The following ATP8A2 variants were observed in gnomAD, a reference collection of about 807,000 sequenced individuals.
The protein encoded by ATP8A2 is ATPase phospholipid transporting 8A2.
A neutral mutation model predicts 165.6 loss-of-function variants in ATP8A2; 100 were observed. The observed-to-expected ratio is 0.60, with a 90% CI of 0.51 to 0.71. ATP8A2 has a LOEUF of 0.71. Among genes scored for constraint, ATP8A2 ranks in the 30% least tolerant of loss-of-function variants. ATP8A2 has a pLI of 0.00. For synonymous variants in ATP8A2, 543 were observed against 548.8 expected, an observed-to-expected ratio of 0.99 and a Z score of 0.15; for missense variants, 1,227 against 1,479.5, an observed-to-expected ratio of 0.83 and a Z score of 2.80.
At chr13:25,845,666 A>G (rs1436217448) in intron 30 of ATP8A2, among the ~76,000 whole-genome samples, 1 of 152,248 alleles carries the variant, frequency 6.6e-6, no homozygotes, top group Non-Finnish European at 1.5e-5. Context: ...TGTATAAAAT[A>G]AAACTCAGTG....
At chr13:25,681,543 C>T (rs2042488418) in intron 24 of ATP8A2, among the ~76,000 whole-genome samples, 2 of 152,118 alleles carry the variant, frequency 1.3e-5, no homozygotes, top group African/African-American at 2.4e-5. Flanking sequence ...CGCAGGGAAA[C>T]GTGCAGGCAG....
At chr13:25,906,255 G>A (rs1413398276) in intron 33 of ATP8A2, among the ~76,000 whole-genome samples, 6 of 92,656 alleles carry the variant, frequency 6.5e-5, no homozygotes, top group East Asian at 2.9e-4. Flanking sequence ...TACCCTCCCC[G>A]CCCCCCGCCC....
At chr13:26,007,739 A>G (rs1213607462) in intron 35 of ATP8A2, among the ~76,000 whole-genome samples, 1 of 152,218 alleles carries the variant, frequency 6.6e-6, no homozygotes, top group Non-Finnish European at 1.5e-5. Flanking sequence ...CAGCAGGGTT[A>G]GAGGAGGTGA....
At chr13:25,635,467 G>A (rs748288583) in intron 24 of ATP8A2, among the ~76,000 whole-genome samples, 19 of 152,088 alleles carry the variant, frequency 1.2e-4, no homozygotes, top group South Asian at 4.1e-4. Context: ...CTCCCCTTTT[G>A]GAGATTCTCA....
chr13:25,800,883 A>G (rs1950608968), intron 27 of ATP8A2, among the ~76,000 whole-genome samples: 1 of 152,112 alleles, frequency 6.6e-6, no homozygotes, highest in Non-Finnish European at 1.5e-5. Context: ...ATCCACCTTA[A>G]AAGTGTTCTG....
chr13:25,744,799 G>A (rs530926803), intron 25 of ATP8A2, among the ~76,000 whole-genome samples: 2 of 152,104 alleles, frequency 1.3e-5, no homozygotes, highest in East Asian at 1.9e-4. Flanking sequence ...GTTTCTTATC[G>A]TTGCTAATTA....
chr13:25,618,009 G>A (rs1194646749), intron 24 of ATP8A2, among the ~76,000 whole-genome samples: 3 of 152,182 alleles, frequency 2.0e-5, no homozygotes, highest in East Asian at 3.8e-4. Flanking sequence ...GTATTTAGGA[G>A]CTGAAAGACC....
chr13:25,618,188 C>A (rs1438591281), intron 24 of ATP8A2, among the ~76,000 whole-genome samples: 1 of 152,080 alleles, frequency 6.6e-6, no homozygotes, highest in Non-Finnish European at 1.5e-5. Flanking sequence ...CAGCGGTCTT[C>A]AGTAATTTTT....
chr13:25,818,364 T>C (rs1324945648), intron 27 of ATP8A2, among the ~76,000 whole-genome samples: 2 of 152,234 alleles, frequency 1.3e-5, no homozygotes, highest in African/African-American at 4.8e-5. Context: ...ATCAGTAATA[T>C]AATAAGTTAG....
chr13:25,507,458 G>T (rs886804646), intron 2 of ATP8A2, among the ~76,000 whole-genome samples: 6 of 151,830 alleles, frequency 4.0e-5, no homozygotes, highest in Admixed American at 3.3e-4. Context: ...TAGAGAGAGG[G>T]TTTCACCATG....
At chr13:25,925,565 G>T (rs1954579122) in intron 33 of ATP8A2, among the ~76,000 whole-genome samples, 1 of 151,938 alleles carries the variant, frequency 6.6e-6, no homozygotes, top group East Asian at 1.9e-4. Context: ...TTGTAGATGG[G>T]TCTCCTTCTT....
intron 24 of ATP8A2, among the ~76,000 whole-genome samples, chr13:25,690,222 T>C (rs2042694436): frequency 6.6e-6 from 1 of 152,166 alleles, no homozygotes; most frequent in South Asian, 2.1e-4. Flanking sequence ...GTTCAGACTT[T>C]CTGGGCTCTG....
intron 27 of ATP8A2, among the ~76,000 whole-genome samples, chr13:25,803,739 A>G (rs1287447333): frequency 6.6e-6 from 1 of 152,222 alleles, no homozygotes; most frequent in African/African-American, 2.4e-5. Context: ...ACTGTGGTTC[A>G]CTTAGCCAAA....
intron 1 of ATP8A2, among the ~76,000 whole-genome samples, chr13:25,388,473 G>A (rs1005411160): frequency 6.6e-6 from 1 of 152,212 alleles, no homozygotes; most frequent in Non-Finnish European, 1.5e-5. Context: ...AGGACTCTAA[G>A]GGGGTCCGTG....
intron 27 of ATP8A2, among the ~76,000 whole-genome samples, chr13:25,827,842 C>A (rs893240791): frequency 6.6e-6 from 1 of 152,204 alleles, no homozygotes; most frequent in East Asian, 1.9e-4. Context: ...GATACCAAAC[C>A]TATTAAATGC....
At chr13:25,987,143 GT>G (rs2139276941) in intron 35 of ATP8A2, among the ~76,000 whole-genome samples, 1 of 152,302 alleles carries the variant, frequency 6.6e-6, no homozygotes, top group South Asian at 2.1e-4. Context: ...GGGAAATGTA[GT>G]TTCCCACTCC....
intron 29 of ATP8A2, 135 bp from the exon 30 acceptor site, chr13:25,839,411 T>A: frequency 4.9e-6 from 3 of 610,800 alleles, no homozygotes; most frequent in Admixed American, 2.8e-5. Flanking sequence ...TTTTTTCAAA[T>A]TCAAGAATAA....
chr13:25,526,239 ACTG>A (rs1192280871), intron 2 of ATP8A2, among the ~76,000 whole-genome samples: 1 of 151,916 alleles, frequency 6.6e-6, no homozygotes, highest in African/African-American at 2.4e-5. Flanking sequence ...TTCCCTTAAA[ACTG>A]CTATTTTGAA....
intron 24 of ATP8A2, among the ~76,000 whole-genome samples, chr13:25,658,092 G>T (rs867413629): frequency 2.3e-4 from 35 of 152,260 alleles, no homozygotes; most frequent in African/African-American, 6.7e-4. Flanking sequence ...TTGGCACCAA[G>T]GCCACTGGTA....
Sources: gnomAD v4.1 joint callset for allele counts (sites outside exome capture counted in the v4.1 genomes callset) on GRCh38, gnomAD v4.1.1 for gene constraint, MANE v1.5 for transcripts, NCBI Gene and HGNC (gene_info 2026-07-23, HGNC 2026-07-21) for gene names.